Variants in GPC6 observed in about 807,000 individuals in gnomAD.
The protein encoded by GPC6 is glypican 6.
Under a neutral mutation model 55.2 loss-of-function variants are expected in GPC6, and 14 were observed. The observed-to-expected ratio is 0.25, with a 90% CI of 0.17 to 0.40. The LOEUF (loss-of-function observed/expected upper bound fraction) is 0.40, where lower values mean the gene tolerates loss of function less well. Among genes scored for constraint, GPC6 ranks in the 10% least tolerant of loss-of-function variants. GPC6 has a pLI of 1.00. For missense variants in GPC6, 641 were observed against 708.5 expected, an observed-to-expected ratio of 0.90 and a Z score of 1.08; for synonymous variants, 278 against 259.6, an observed-to-expected ratio of 1.07 and a Z score of -0.68.
intron 4 of GPC6, among the ~76,000 whole-genome samples, chr13:94,189,210 G>A (rs1293795049): frequency 6.6e-6 from 1 of 152,114 alleles, no homozygotes; most frequent in East Asian, 1.9e-4. Context: ...AAGTCTGTGT[G>A]TAGGTGGTTT....
intron 2 of GPC6, among the ~76,000 whole-genome samples, chr13:93,666,745 A>G (rs550422068): frequency 6.6e-6 from 1 of 152,314 alleles, no homozygotes; most frequent in South Asian, 2.1e-4. Context: ...TCAGAGTTAG[A>G]TCAGCATTGT....
intron 2 of GPC6, among the ~76,000 whole-genome samples, chr13:93,621,256 G>A (rs1566453752): frequency 6.6e-6 from 1 of 152,082 alleles, no homozygotes; most frequent in Non-Finnish European, 1.5e-5. Context: ...GTGACCTGGC[G>A]GTGATCCATG....
chr13:93,419,838 C>A (rs1403246248), intron 1 of GPC6, among the ~76,000 whole-genome samples: 2 of 152,028 alleles, frequency 1.3e-5, no homozygotes, highest in Non-Finnish European at 2.9e-5. Flanking sequence ...AACGTTTGAA[C>A]TTTAAATATA....
At chr13:93,392,072 CACTT>C (rs1349903544) in intron 1 of GPC6, among the ~76,000 whole-genome samples, 3 of 152,124 alleles carry the variant, frequency 2.0e-5, no homozygotes, top group Admixed American at 6.6e-5. Context: ...AATAGAATAA[CACTT>C]ACATATAGGA....
intron 3 of GPC6, among the ~76,000 whole-genome samples, chr13:93,837,327 C>G (rs1009427246): frequency 6.6e-6 from 1 of 152,072 alleles, no homozygotes; most frequent in Non-Finnish European, 1.5e-5. Flanking sequence ...ATTCCATAAC[C>G]CTATCTAAAT....
At chr13:93,761,481 G>A (rs764601585) in intron 2 of GPC6, among the ~76,000 whole-genome samples, 1 of 152,088 alleles carries the variant, frequency 6.6e-6, no homozygotes, top group South Asian at 2.1e-4. Flanking sequence ...TGCTATACCT[G>A]TGAAAAATAA....
At chr13:93,687,201 T>G (rs1383503898) in intron 2 of GPC6, among the ~76,000 whole-genome samples, 3 of 152,144 alleles carry the variant, frequency 2.0e-5, no homozygotes, top group Non-Finnish European at 4.4e-5. Flanking sequence ...ATCTTTCTTC[T>G]TAGTATATAA....
At chr13:93,877,509 C>T (rs946199318) in intron 3 of GPC6, among the ~76,000 whole-genome samples, 14 of 152,056 alleles carry the variant, frequency 9.2e-5, no homozygotes, top group Admixed American at 3.9e-4. Flanking sequence ...GTTCCTCTTT[C>T]CCATTCCTAT....
chr13:94,403,430 G>A lies in GPC6; in HGVS notation c.*213G>A, dbSNP rs1881237373. 1.7e-6 allele frequency: 1 copy of A among 598,972 alleles called. No homozygotes were observed. The highest frequency in any genetic ancestry group is 2.6e-5 in the Admixed American group (1 of 38,346). 37.1% of individuals were successfully genotyped at this position (598,972 alleles called of 1,614,324 possible). A position where few individuals can be genotyped will look rare whatever the true frequency, so the allele number is the denominator to read the frequency against. On this transcript the variant is annotated 3_prime_UTR_variant, in exon 9 of 9. Transcript: ENST00000377047. ...TCCTCTTTCCTTCAGCTATCTGTGG[G>A]GACCTTGTTTATTCTAGAGAGAATT...
rs1470945082 is a variant in GPC6, at chr13:93,669,423, A to G, written c.319+124002A>G. ...TAAGTTCACTACATGTGCAGTGTGG[A>G]AAACCAAGAGAGAGAATACAGGAAG... On this transcript the variant is annotated intron_variant, in intron 2 of 8. Transcript: ENST00000377047. 2.6e-5 allele frequency among the ~76,000 whole-genome samples: 4 copies of G among 152,194 alleles called. No homozygotes were observed. In the East Asian group the frequency reaches 7.7e-4, roughly 29 times the overall value.
chr13:94,330,304 G>A (rs1877344459), intron 6 of GPC6, among the ~76,000 whole-genome samples: 1 of 152,212 alleles, frequency 6.6e-6, no homozygotes, highest in South Asian at 2.1e-4. Flanking sequence ...CTGGCCAAGT[G>A]ACCTTGGGCG....
chr13:93,868,329 G>A (rs9516306), intron 3 of GPC6, among the ~76,000 whole-genome samples: 63,934 of 151,554 alleles, frequency 0.42, 14,686 homozygotes, highest in African/African-American at 0.6. Context: ...TATATTATAA[G>A]TGTTAACATT....
intron 3 of GPC6, among the ~76,000 whole-genome samples, chr13:93,904,105 T>TGACC (rs1377803346): frequency 2.6e-5 from 4 of 152,110 alleles, no homozygotes; most frequent in African/African-American, 9.7e-5. Flanking sequence ...TTAAGTGCAG[T>TGACC]GACCACAGGA....
intron 1 of GPC6, among the ~76,000 whole-genome samples, chr13:93,527,055 T>TA (rs1258678529): frequency 6.6e-6 from 1 of 151,922 alleles, no homozygotes; most frequent in Non-Finnish European, 1.5e-5. Flanking sequence ...GTTTTTTTTT[T>TA]AAAAAGCTTT....
intron 1 of GPC6, among the ~76,000 whole-genome samples, chr13:93,520,824 A>ACAAACTATATAGG (rs1881388519): frequency 6.6e-6 from 1 of 151,678 alleles, no homozygotes; most frequent in South Asian, 2.1e-4. Flanking sequence ...TATACTATAG[A>ACAAACTATATAGG]CAAACTATAT....
chr13:93,812,216 C>G (rs952932647), intron 2 of GPC6, among the ~76,000 whole-genome samples: 2 of 151,712 alleles, frequency 1.3e-5, no homozygotes, highest in Non-Finnish European at 2.9e-5. Flanking sequence ...TGGTGAAACC[C>G]TGTCTCTACT....
intron 1 of GPC6, among the ~76,000 whole-genome samples, chr13:93,531,654 T>C (rs2343796): frequency 2.0e-4 from 30 of 152,172 alleles, no homozygotes; most frequent in Admixed American, 2.0e-3. Context: ...TCTATTACAG[T>C]GTCCTACTAA....
chr13:93,314,357 C>T (rs1485630312), intron 1 of GPC6, among the ~76,000 whole-genome samples: 1 of 151,982 alleles, frequency 6.6e-6, no homozygotes, highest in Non-Finnish European at 1.5e-5. Flanking sequence ...AGCAATACAC[C>T]CTCTTACAGT....
chr13:93,732,749 C>T (rs776834817), intron 2 of GPC6, among the ~76,000 whole-genome samples: 1 of 151,874 alleles, frequency 6.6e-6, no homozygotes, highest in African/African-American at 2.4e-5. Context: ...CAGTGCTGTC[C>T]AATACAGATA....
Sources: allele counts gnomAD v4.1 joint callset (sites outside exome capture counted in the v4.1 genomes callset), GRCh38; gene constraint gnomAD v4.1.1; transcripts MANE v1.5; gene names NCBI Gene and HGNC (gene_info 2026-07-23, HGNC 2026-07-21).